Variants in TACC1 observed in about 807,000 individuals in gnomAD.
The protein encoded by TACC1 is transforming acidic coiled-coil containing protein 1, also known as transforming acidic coiled-coil-containing protein 1.
TACC1 carries 48 observed loss-of-function variants against 84.4 expected under a neutral mutation model. The observed-to-expected ratio is 0.57, with a 90% CI of 0.45 to 0.72. The LOEUF (loss-of-function observed/expected upper bound fraction) is 0.72. TACC1 is among the 30% of genes least tolerant of loss of function. The pLI, the probability that TACC1 is intolerant of heterozygous loss-of-function variation, is 0.00. For missense variants in TACC1, 920 were observed against 973.0 expected, an observed-to-expected ratio of 0.95 and a Z score of 0.72; for synonymous variants, 372 against 376.3, an observed-to-expected ratio of 0.99 and a Z score of 0.13.
At chr8:38,750,315 C>T (rs1607101) in intron 3 of TACC1, among the ~76,000 whole-genome samples, 56,871 of 152,038 alleles carry the variant, frequency 0.37, 10,811 homozygotes, top group Middle Eastern at 0.4. Flanking sequence ...TTAAAACTTC[C>T]TCAACCTGAT....
At chr8:38,786,127 T>G (rs1255209984), upstream of TACC1, among the ~76,000 whole-genome samples, 1 of 152,166 alleles carries the variant, frequency 6.6e-6, no homozygotes, top group Non-Finnish European at 1.5e-5. Flanking sequence ...ACCTCATGGA[T>G]GCACCACAAC....
rs1807262360 is a variant in TACC1, at chr8:38,742,499, T to C, written c.-574+48T>C. On this transcript the variant is annotated intron_variant, in intron 2 of 14. Transcript: ENST00000518415. ...AATATACCTGGGATGGATTTTAAAG[T>C]AAAAATTTTTATTTCCTAGTGAAAA... 2.9e-6 allele frequency: 4 copies of C among 1,373,540 alleles called. No individual in the cohort carries two copies. The East Asian group carries it at 1.0e-4, about 35-fold the overall frequency. 85.1% of individuals were successfully genotyped at this position (1,373,540 alleles called of 1,614,324 possible).
chr8:38,781,540 C>A (rs1222379377), intron 3 of TACC1, among the ~76,000 whole-genome samples: 2 of 151,956 alleles, frequency 1.3e-5, no homozygotes, highest in African/African-American at 2.4e-5. Flanking sequence ...TGCCACATGC[C>A]CAGCTAATTT....
intron 6 of TACC1, among the ~76,000 whole-genome samples, chr8:38,835,166 A>G (rs1199637647): frequency 6.6e-6 from 1 of 151,668 alleles, no homozygotes; most frequent in Admixed American, 6.6e-5. Flanking sequence ...AGGCAGGAGA[A>G]TGGCGTGAAC....
intron 3 of TACC1, 96 bp from the exon 4 acceptor site, chr8:38,825,212 C>A: frequency 7.5e-7 from 1 of 1,325,296 alleles, no homozygotes; most frequent in Non-Finnish European, 1.1e-6. Flanking sequence ...TATGCTTTGG[C>A]TTCTATCCGC....
At chr8:38,732,077 A>G (rs1261585708) in intron 1 of TACC1, among the ~76,000 whole-genome samples, 1 of 152,020 alleles carries the variant, frequency 6.6e-6, no homozygotes, top group Non-Finnish European at 1.5e-5. Context: ...GTACCACTGC[A>G]CTCCAGCCTG....
At chr8:38,782,667 T>A (rs576522875), upstream of TACC1, among the ~76,000 whole-genome samples, 1 of 152,344 alleles carries the variant, frequency 6.6e-6, no homozygotes, top group South Asian at 2.1e-4. Context: ...TATTCCTGTT[T>A]AACAGGCTCT....
At chr8:38,843,904 C>T (rs1328310004) in intron 11 of TACC1, among the ~76,000 whole-genome samples, 2 of 152,062 alleles carry the variant, frequency 1.3e-5, no homozygotes, top group African/African-American at 2.4e-5. Flanking sequence ...GTTTTGCATG[C>T]CTGTGAGTTA....
At chr8:38,813,866 C>A (rs1443623283) in intron 2 of TACC1, among the ~76,000 whole-genome samples, 2 of 152,184 alleles carry the variant, frequency 1.3e-5, no homozygotes, top group Non-Finnish European at 1.5e-5. Flanking sequence ...AATCCACTCA[C>A]ACTAGCTCAA....
chr8:38,801,650 T>C (rs1821394781), intron 2 of TACC1, among the ~76,000 whole-genome samples: 1 of 152,230 alleles, frequency 6.6e-6, no homozygotes, highest in Non-Finnish European at 1.5e-5. Flanking sequence ...AATCAAGAAG[T>C]ATGAGGCCTC....
At chr8:38,810,370 G>A (rs1823794938) in intron 2 of TACC1, among the ~76,000 whole-genome samples, 1 of 152,106 alleles carries the variant, frequency 6.6e-6, no homozygotes, top group Non-Finnish European at 1.5e-5. Flanking sequence ...GGAAGCTAAG[G>A]CAGAAAGATC....
intron 9 of TACC1, 150 bp downstream of exon 9, chr8:38,840,417 C>T: frequency 1.6e-6 from 1 of 635,826 alleles, no homozygotes. Flanking sequence ...AAGGTGCCCA[C>T]AGATGAGATG....
At chr8:38,840,405 T>A in intron 9 of TACC1, 138 bp downstream of exon 9, 1 of 715,872 alleles carries the variant, frequency 1.4e-6, no homozygotes, top group South Asian at 1.8e-5. Flanking sequence ...ACAGGAGAGT[T>A]CAAGGTGCCC....
intron 3 of TACC1, among the ~76,000 whole-genome samples, chr8:38,759,124 T>A (rs10098423): frequency 7.9e-4 from 120 of 151,710 alleles, no homozygotes; most frequent in African/African-American, 2.7e-3. Context: ...AAGTTAAGAG[T>A]TTGGGAGGCA....
At chr8:38,742,359 G>C (rs1160268798) in exon 2 of TACC1, 4 of 1,433,104 alleles carry the variant, frequency 2.8e-6, no homozygotes, top group Non-Finnish European at 3.7e-6. Flanking sequence ...AGTCCCAAGG[G>C]TTCCAAGGCC....
rs925472515 is a variant in TACC1, at chr8:38,820,698, C to G, written c.1391+63C>G. The G allele has an allele frequency of 3.7e-5, 57 of 1,544,944 alleles. No homozygotes were observed. The African/African-American group carries it at 6.7e-4, about 18-fold the overall frequency. On this transcript the variant is annotated intron_variant, in intron 3 of 12. Coordinates refer to ENST00000317827, the MANE Select transcript of TACC1 (RefSeq NM_006283.3). ...CTTGTCTGTTGAGTTTGGCAGCCAG[C>G]TACTTTTGGCTTTGGTGAACTGAAT...
At chr8:38,737,200 TCTC>T (rs1326113792) in intron 1 of TACC1, among the ~76,000 whole-genome samples, 2 of 152,126 alleles carry the variant, frequency 1.3e-5, no homozygotes, top group Non-Finnish European at 2.9e-5. Flanking sequence ...TCTAAGGACT[TCTC>T]CTCCGTGCCT....
At chr8:38,733,954 G>A (rs16887728) in intron 1 of TACC1, among the ~76,000 whole-genome samples, 14,585 of 152,158 alleles carry the variant, frequency 0.096, 761 homozygotes, top group South Asian at 0.12. Flanking sequence ...CTCCTTAGAC[G>A]TCCCTGCCTC....
At chr8:38,733,271 A>T (rs939813723) in intron 1 of TACC1, among the ~76,000 whole-genome samples, 1 of 148,464 alleles carries the variant, frequency 6.7e-6, no homozygotes, top group Non-Finnish European at 1.5e-5. Flanking sequence ...TGCAATAAAT[A>T]CCCTCCATCT....
Sources: gnomAD v4.1 joint callset for allele counts (sites outside exome capture counted in the v4.1 genomes callset) on GRCh38, gnomAD v4.1.1 for gene constraint, MANE v1.5 for transcripts, NCBI Gene and HGNC (gene_info 2026-07-23, HGNC 2026-07-21) for gene names.